The following PAX2 variants were observed in gnomAD, a reference collection of about 807,000 sequenced individuals.
The protein encoded by PAX2 is paired box 2, also known as paired box protein Pax-2.
Under a neutral mutation model 41.7 loss-of-function variants are expected in PAX2, and 9 were observed. The ratio of observed to expected loss-of-function variants is 0.22; its 90% confidence interval spans 0.13 to 0.38. PAX2 has a LOEUF of 0.38. Ranked by LOEUF, PAX2 falls within the 10% of genes least tolerant of loss-of-function variation. PAX2 has a pLI of 1.00. For synonymous variants in PAX2, 221 were observed against 212.7 expected (o/e 1.04, Z -0.34); for missense variants, 418 against 531.6 (o/e 0.79, Z 2.10).
chr10:100,809,909 G>A (rs986630975), intron 7 of PAX2, among the ~76,000 whole-genome samples: 2 of 152,336 alleles, frequency 1.3e-5, no homozygotes, highest in South Asian at 2.1e-4. Context: ...CAGTTAGTTT[G>A]GAAGGGGAGG....
chr10:100,742,241 T>G (rs891095519), upstream of PAX2, among the ~76,000 whole-genome samples: 4 of 152,126 alleles, frequency 2.6e-5, no homozygotes, highest in Non-Finnish European at 5.9e-5. Context: ...GGCAGTGGAC[T>G]AGGTCTACAC....
At chr10:100,735,428 G>A (rs1844755849) in exon 1 of PAX2, among the ~76,000 whole-genome samples, 1 of 152,228 alleles carries the variant, frequency 6.6e-6, no homozygotes, top group Non-Finnish European at 1.5e-5. Flanking sequence ...CCTGCGGCTG[G>A]CTGGGGCCTC....
chr10:100,808,961 C>T, intron 6 of PAX2, 149 bp from the exon 7 acceptor site: 1 of 760,622 alleles, frequency 1.3e-6, no homozygotes, highest in South Asian at 1.5e-5. Flanking sequence ...TTGCCATCAT[C>T]CACCAAGCCC....
At chr10:100,774,488 G>A (rs10883541) in intron 3 of PAX2, among the ~76,000 whole-genome samples, 27,640 of 151,876 alleles carry the variant, frequency 0.18, 2,765 homozygotes, top group Middle Eastern at 0.31. Flanking sequence ...CACTGCTGCT[G>A]TTTCTTGTCT....
intron 5 of PAX2, among the ~76,000 whole-genome samples, chr10:100,802,110 C>T (rs944096860): frequency 7.9e-5 from 12 of 152,204 alleles, no homozygotes; most frequent in African/African-American, 2.9e-4. Flanking sequence ...GACTGACTAG[C>T]ACACGGTCCC....
In PAX2 at chr10:100,824,859, C is replaced by G. The variant is rs770053965; in HGVS notation, c.1021+110C>G. On this transcript the variant is annotated intron_variant, in intron 8 of 9. Transcript: ENST00000355243. The surrounding 1 kb of genome is among the most constrained non-coding windows in gnomAD (Gnocchi z 6.6). ...TGGGGTGGGGGGAGACACAACGTCC[C>G]CTCCCTGCAAACCACTGCTATTCTG... The G allele has an allele frequency of 1.1e-5, 17 of 1,558,928 alleles. No individual in the cohort carries two copies. Among genetic ancestry groups the G allele is most frequent in the Non-Finnish European group, 1.5e-5 (17 of 1,129,608 alleles).
chr10:100,796,146 G>A (rs765471916), intron 5 of PAX2, among the ~76,000 whole-genome samples: 11 of 152,254 alleles, frequency 7.2e-5, no homozygotes, highest in Non-Finnish European at 1.5e-4. Context: ...TGCAATACAT[G>A]CTCATTGGGA....
upstream of PAX2, among the ~76,000 whole-genome samples, chr10:100,744,145 C>T (rs1337184561): frequency 5.3e-5 from 8 of 152,206 alleles, no homozygotes; most frequent in African/African-American, 1.9e-4. Flanking sequence ...CATCTCTCCC[C>T]ATGGTATCTG....
intron 1 of PAX2, among the ~76,000 whole-genome samples, chr10:100,737,868 G>T (rs1029019477): frequency 6.6e-6 from 1 of 152,234 alleles, no homozygotes; most frequent in African/African-American, 2.4e-5. Flanking sequence ...AGCCGGGTTT[G>T]CGAAGGATGC....
At chr10:100,775,296 A>C (rs1368478098) in intron 3 of PAX2, among the ~76,000 whole-genome samples, 1 of 152,196 alleles carries the variant, frequency 6.6e-6, no homozygotes, top group Non-Finnish European at 1.5e-5. Context: ...CAACTGCTTT[A>C]CTTCATTCAT....
chr10:100,745,886 C>A lies in PAX2; in HGVS notation c.-375C>A, dbSNP rs7094977. ...TCTCCGACCACCGCCTCTCGGATGA[C>A]CAGGTTCCAGGGGAGCTGAGCGAGT... On this transcript the variant is annotated 5_prime_UTR_variant, in exon 1 of 10. Transcript: ENST00000355243. The A allele has an allele frequency of 0.8, 874,064 of 1,092,896 alleles. 350,786 individuals carry two copies. The highest frequency in any genetic ancestry group is 1 in the East Asian group (19,234 of 19,254). 67.7% of individuals were successfully genotyped at this position (1,092,896 alleles called of 1,614,324 possible).
At chr10:100,749,951 C>T (rs1469020896) in intron 2 of PAX2, 37 bp downstream of exon 2, 2 of 1,603,254 alleles carry the variant, frequency 1.2e-6, no homozygotes, top group East Asian at 2.2e-5. Flanking sequence ...GACGCCTTGC[C>T]TACTTCCCCG....
chr10:100,788,263 G>C (rs934644511), intron 5 of PAX2, among the ~76,000 whole-genome samples: 24 of 152,220 alleles, frequency 1.6e-4, no homozygotes, highest in African/African-American at 5.1e-4. Context: ...GGCCGCCCGC[G>C]ATCGCCTCCT....
chr10:100,759,617 C>G (rs1198867204), intron 3 of PAX2, among the ~76,000 whole-genome samples: 5 of 152,206 alleles, frequency 3.3e-5, no homozygotes, highest in African/African-American at 4.8e-5. Context: ...AGATTTCTCT[C>G]TGCTGCCACC....
chr10:100,753,526 G>A (rs1845522430), intron 3 of PAX2, among the ~76,000 whole-genome samples: 2 of 152,216 alleles, frequency 1.3e-5, no homozygotes, highest in Admixed American at 6.5e-5. Context: ...TTTCCTGTGT[G>A]CACAAAGTGT....
In PAX2 at chr10:100,809,254, A is replaced by AG. The variant is rs770548860; in HGVS notation, c.919+21dup. On this transcript the variant is annotated intron_variant, in intron 7 of 9. Coordinates refer to ENST00000355243, the MANE Select transcript of PAX2 (RefSeq NM_000278.5). ...TGTGACTGGTAAGGGGGCTTCCAGG[A>AG]GGGTGGGGGCACTGCGTTCAGTGGA... is the stretch of plus-strand genomic sequence containing the variant. The AG allele has an allele frequency of 6.2e-7, 1 of 1,611,450 alleles. No individual in the cohort carries two copies. Among genetic ancestry groups the AG allele is most frequent in the South Asian group, 1.1e-5 (1 of 91,020 alleles).
Position 100,781,445 on chromosome 10 carries a change from CGCAGCTGCTCT to C in PAX2, c.616+83_616+93del. The C allele has an allele frequency of 2.1e-6, 3 of 1,443,268 alleles. No homozygotes were observed. In the East Asian group the frequency reaches 6.8e-5, roughly 33 times the overall value. 89.4% of individuals were successfully genotyped at this position (1,443,268 alleles called of 1,614,324 possible). On this transcript the variant is annotated intron_variant, in intron 5 of 9. Coordinates refer to ENST00000355243, the MANE Select transcript of PAX2 (RefSeq NM_000278.5). Reference sequence around the variant, plus strand: ...CCAAGCTCCGGTTTCGGCCTGGCCTCGCAGCTGCTCTGCTGTGAGATCAATTTTAGTAGCAA... The same window carrying C: ...CCAAGCTCCGGTTTCGGCCTGGCCTCGCTGTGAGATCAATTTTAGTAGCAA...
intron 1 of PAX2, among the ~76,000 whole-genome samples, chr10:100,738,325 C>T (rs1194421389): frequency 6.6e-6 from 1 of 152,184 alleles, no homozygotes; most frequent in Non-Finnish European, 1.5e-5. Context: ...TTGGCGGCCC[C>T]GCTGGAAGAG....
intron 5 of PAX2, among the ~76,000 whole-genome samples, chr10:100,799,930 C>T (rs569122603): frequency 6.6e-6 from 1 of 151,590 alleles, no homozygotes; most frequent in East Asian, 1.9e-4. Flanking sequence ...GGATTACAGG[C>T]GCCCACCACT....
Sources: allele counts gnomAD v4.1 joint callset (sites outside exome capture counted in the v4.1 genomes callset), GRCh38; gene constraint gnomAD v4.1.1; non-coding constraint Gnocchi (gnomAD v3.1); transcripts MANE v1.5; gene names NCBI Gene and HGNC (gene_info 2026-07-23, HGNC 2026-07-21).